The following SENP2 variants were observed in gnomAD, a reference collection of about 807,000 sequenced individuals.
The protein encoded by SENP2 is SUMO specific peptidase 2, also known as sentrin-specific protease 2.
A neutral mutation model predicts 86.3 loss-of-function variants in SENP2; 16 were observed. That is an observed-to-expected ratio of 0.19 (90% CI 0.13 to 0.28). The LOEUF (loss-of-function observed/expected upper bound fraction) is 0.28, where lower values mean the gene tolerates loss of function less well. Ranked by LOEUF, SENP2 falls within the 10% of genes least tolerant of loss-of-function variation. SENP2 has a pLI of 1.00. For missense variants in SENP2, 552 were observed against 703.0 expected (o/e 0.79, Z 2.43); for synonymous variants, 222 against 238.7 (o/e 0.93, Z 0.64).
chr3:185,620,643 A>G (rs546832858), intron 13 of SENP2, among the ~76,000 whole-genome samples: 8 of 150,622 alleles, frequency 5.3e-5, no homozygotes, highest in Admixed American at 5.3e-4. Flanking sequence ...ATGGGGTTTT[A>G]CCATGTTGGT....
chr3:185,587,117 G>C (rs1721809603), intron 1 of SENP2, among the ~76,000 whole-genome samples: 1 of 152,142 alleles, frequency 6.6e-6, no homozygotes, highest in Non-Finnish European at 1.5e-5. Context: ...GAAACGCAAA[G>C]CTATTCTTTT....
At chr3:185,623,112 C>T (rs188769312) in intron 14 of SENP2, among the ~76,000 whole-genome samples, 19 of 151,660 alleles carry the variant, frequency 1.3e-4, no homozygotes, top group African/African-American at 1.9e-4. Flanking sequence ...CCACCGTGCC[C>T]GGTGGTCTTT....
At chr3:185,604,957 T>C (rs1164585789) in intron 5 of SENP2, among the ~76,000 whole-genome samples, 2 of 150,866 alleles carry the variant, frequency 1.3e-5, no homozygotes, top group African/African-American at 2.4e-5. Context: ...GGTTCCACCA[T>C]GTTGGCCAGG....
Position 185,586,748 on chromosome 3 carries a change from G to A in SENP2, c.101+234G>A, listed in dbSNP as rs1721797064. ...CTTTGACATTCTTGTCAGAGGCCAA[G>A]CTGGTTGCTGATAACAAATGGGGCT... On this transcript the variant is annotated intron_variant, in intron 1 of 16. Coordinates refer to ENST00000296257, the MANE Select transcript of SENP2 (RefSeq NM_021627.3). The surrounding 1 kb of genome is among the most constrained non-coding windows in gnomAD (Gnocchi z 4.3). Among the ~76,000 whole-genome samples the A allele has an allele frequency of 6.6e-6, 1 of 152,222 alleles. No individual in the cohort carries two copies. The highest frequency in any genetic ancestry group is 2.1e-4 in the South Asian group (1 of 4,830).
rs1192018653 is a variant in SENP2 at position 185,629,856 on chromosome 3, C to T, written c.*12C>T. On this transcript the variant is annotated 3_prime_UTR_variant, in exon 17 of 17. Transcript: ENST00000296257. The stretch of plus-strand genomic sequence containing the variant: ...AGCAGTTGCTGTGAGAAAACTTTGC[C>T]TGGTCCCTCTAGCTGCTGGTGGTTC... 2 of 1,613,582 alleles carry T rather than the reference C, an allele frequency of 1.2e-6. No individual in the cohort carries two copies. The highest frequency in any genetic ancestry group is 1.7e-6 in the Non-Finnish European group (2 of 1,179,674).
At chr3:185,606,767 C>T (rs529194431) in intron 6 of SENP2, 51 of 512,074 alleles carry the variant, frequency 1.0e-4, no homozygotes, top group Non-Finnish European at 1.7e-4. Context: ...CCTATAGCGG[C>T]CACGTGTGCT....
rs769753117 is a variant in SENP2 at position 185,609,320 on chromosome 3, C to G, written c.692C>G (p.Ser231Cys). ...ERLKESGHGN[S>C]VCPVTSNYHS... ...CTTAAAGAAAGTGGTCATGGAAACT[C>G]TGTCTGTCCTGTAACTTCAAATTAT... Residue 231 changes from serine (S) to cysteine (C), a missense_variant, in exon 7 of 17, where the codon TCT becomes TGT. Ser to Cys is a moderately radical substitution (Grantham distance 112). Coordinates refer to ENST00000296257, the MANE Select transcript of SENP2 (RefSeq NM_021627.3). The G allele has an allele frequency of 1.9e-6, 3 of 1,613,330 alleles. No individual in the cohort carries two copies. The highest frequency in any genetic ancestry group is 2.2e-5 in the East Asian group (1 of 44,836).
intron 5 of SENP2, among the ~76,000 whole-genome samples, chr3:185,605,422 C>T (rs1299801488): frequency 6.6e-6 from 1 of 151,944 alleles, no homozygotes; most frequent in Admixed American, 6.6e-5. Flanking sequence ...TTACCAACAT[C>T]AGGAAATTAA....
intron 6 of SENP2, among the ~76,000 whole-genome samples, chr3:185,607,897 T>A (rs958280447): frequency 6.6e-6 from 1 of 152,234 alleles, no homozygotes; most frequent in African/African-American, 2.4e-5. Context: ...GCATCTCTGC[T>A]TTTTCCTTCA....
chr3:185,606,782 G>A, intron 6 of SENP2: 1 of 513,436 alleles, frequency 1.9e-6, no homozygotes, highest in South Asian at 1.7e-5. Context: ...TGTGCTCAGT[G>A]AGTCTGTGAC....
intron 10 of SENP2, 32 bp downstream of exon 10, chr3:185,613,440 T>A: frequency 1.5e-6 from 2 of 1,299,684 alleles, no homozygotes; most frequent in Non-Finnish European, 2.2e-6. Flanking sequence ...ATTTGATACC[T>A]GTTTACTTAT....
In SENP2 at chr3:185,613,264, G is replaced by A. The variant is rs577449818; in HGVS notation, c.870-81G>A. On this transcript the variant is annotated intron_variant, in intron 9 of 16. Transcript: ENST00000296257. ...AACACAATTTTTATGTACAAATTAC[G>A]AAATCTTATTTCTAAAACTAGGATG... 7.4e-5 allele frequency: 63 copies of A among 852,472 alleles called. 1 individual carries two copies. The South Asian group carries it at 8.6e-4, about 12-fold the overall frequency. 52.8% of individuals were successfully genotyped at this position (852,472 alleles called of 1,614,324 possible). A position where few individuals can be genotyped will look rare whatever the true frequency, so the allele number is the denominator to read the frequency against.
At chr3:185,612,696 A>G (rs1421591258) in intron 9 of SENP2, 38 bp downstream of exon 9, 9 of 1,430,854 alleles carry the variant, frequency 6.3e-6, no homozygotes, top group Admixed American at 1.8e-5. Context: ...TTCTTTTAAT[A>G]TATATTTTCT....
In SENP2 at chr3:185,613,385, G is replaced by A. The variant is rs754899663; in HGVS notation, c.910G>A (p.Gly304Arg). 8.2e-6 allele frequency: 13 copies of A among 1,591,992 alleles called. No individual in the cohort carries two copies. Among genetic ancestry groups the A allele is most frequent in the Middle Eastern group, 1.7e-4 (1 of 6,030 alleles). ...GKITDTETMVGIRFENESRRG... is the reference protein window; with the variant it reads ...GKITDTETMVRIRFENESRRG... ...AATTACTGATACAGAGACGATGGTC[G>A]GAATCAGATTTGAAAATGAAAGTGT... The change falls in exon 10 of 17, where the codon GGA becomes AGA. Residue 304 changes from glycine to arginine, a missense_variant. Around this residue, in one of 2 missense-constraint regions of SENP2, gnomAD observed 383 missense variants for 427.3 expected, o/e 0.90. Transcript: ENST00000296257.
chr3:185,620,318 C>G (rs936926097), intron 13 of SENP2, among the ~76,000 whole-genome samples: 4 of 152,106 alleles, frequency 2.6e-5, no homozygotes, highest in Non-Finnish European at 5.9e-5. Context: ...TTTAAGCAGT[C>G]CTCCCACCTC....
chr3:185,612,336 A>G, intron 8 of SENP2: 1 of 324,440 alleles, frequency 3.1e-6, no homozygotes, highest in Non-Finnish European at 5.7e-6. Flanking sequence ...CAATTTCCTT[A>G]TACTTCTCCA....
At chr3:185,621,386 CTTTTTTTT>C (rs1220771289) in intron 13 of SENP2, among the ~76,000 whole-genome samples, 1 of 78,776 alleles carries the variant, frequency 1.3e-5, no homozygotes, top group Non-Finnish European at 2.3e-5. Context: ...TCTTTTTTTT[CTTTTTTTT>C]TTTTTTTTTT....
In SENP2 at chr3:185,631,269, T is replaced by G. The variant is rs1035503765; in HGVS notation, c.*1425T>G. On this transcript the variant is annotated 3_prime_UTR_variant, in exon 17 of 17. Transcript: ENST00000296257. ...CTGCTGGTCCCAGAGGTATACTGGT[T>G]ACAGCTATTGCAGCCAGTTCCCTGA... 2 of 152,008 alleles carry G rather than the reference T, an allele frequency of 1.3e-5. No individual in the cohort carries two copies. Among genetic ancestry groups the G allele is most frequent in the Admixed American group, 1.3e-4 (2 of 15,252 alleles). 9.4% of individuals were successfully genotyped at this position (152,008 alleles called of 1,614,324 possible).
At position 185,622,033 on chromosome 3, in the gene SENP2, A is replaced by T. The variant is rs529090998; in HGVS notation, c.1526+128A>T. On this transcript the variant is annotated intron_variant, in intron 14 of 16. Transcript: ENST00000296257. ...TATTTCAGGACTTAGCATGCATTTT[A>T]TTTTTAAAATAATAGCTGATTTCAA... 14 of 503,172 alleles carry T rather than the reference A, an allele frequency of 2.8e-5. No homozygotes were observed. In the Middle Eastern group the frequency reaches 8.8e-4, roughly 32 times the overall value. 31.2% of individuals were successfully genotyped at this position (503,172 alleles called of 1,614,324 possible). A position where few individuals can be genotyped will look rare whatever the true frequency, so the allele number is the denominator to read the frequency against.
Sources: allele counts gnomAD v4.1 joint callset (sites outside exome capture counted in the v4.1 genomes callset), GRCh38; gene constraint gnomAD v4.1.1; regional missense constraint gnomAD v4.1.1; non-coding constraint Gnocchi (gnomAD v3.1); transcripts MANE v1.5; gene names NCBI Gene and HGNC (gene_info 2026-07-23, HGNC 2026-07-21).